CEBPZ: variants seen among roughly 807,000 people sequenced by gnomAD.
CEBPZ encodes the protein CCAAT enhancer binding protein zeta, also known as CCAAT/enhancer-binding protein zeta.
In CEBPZ, 78 loss-of-function variants were observed where a neutral mutation model predicts 104.5. That is an observed-to-expected ratio of 0.75 (90% CI 0.62 to 0.90). CEBPZ has a LOEUF of 0.90. Among genes scored for constraint, CEBPZ ranks in the 40% least tolerant of loss-of-function variants. The pLI is 0.00. For missense variants in CEBPZ, 1,439 were observed against 1,233.5 expected, an observed-to-expected ratio of 1.17 and a Z score of -2.50; for synonymous variants, 470 against 427.0, an observed-to-expected ratio of 1.10 and a Z score of -1.24.
chr2:37,231,390 C>T (rs1303549036), intron 1 of CEBPZ, 22 bp downstream of exon 1: 1 of 1,613,334 alleles, frequency 6.2e-7, no homozygotes, highest in Non-Finnish European at 8.5e-7. Flanking sequence ...TGATCCCGTT[C>T]CCCGGAGCCC....
intron 13 of CEBPZ, among the ~76,000 whole-genome samples, chr2:37,206,647 C>T (rs1443284797): frequency 6.6e-6 from 1 of 152,212 alleles, no homozygotes; most frequent in African/African-American, 2.4e-5. Context: ...TGAGCCACTA[C>T]ACTCAGCCTA....
At chr2:37,203,647 G>C (rs938388806) in intron 13 of CEBPZ, 4 of 152,152 alleles carry the variant, frequency 2.6e-5, no homozygotes, top group Non-Finnish European at 4.4e-5. Context: ...TAAATTTACA[G>C]ACTTGTTCAA....
At chr2:37,203,849 A>G (rs2148334029) in intron 13 of CEBPZ, 1 of 152,292 alleles carries the variant, frequency 6.6e-6, no homozygotes, top group Middle Eastern at 3.4e-3. Context: ...AACGTTTTTG[A>G]GGCTCATCCA....
intron 2 of CEBPZ, among the ~76,000 whole-genome samples, chr2:37,227,075 C>G (rs10182759): frequency 0.32 from 48,506 of 152,042 alleles, 8,248 homozygotes; most frequent in Middle Eastern, 0.37. Context: ...GAGCATGGCA[C>G]CATACTGCAG....
In CEBPZ at chr2:37,229,034, T is replaced by C. The variant is rs759761179; in HGVS notation, c.159A>G (p.Gln53=). The change falls in exon 2 of 16, where the codon CAA becomes CAG. Residue 53 remains glutamine, a splice_region_variant and synonymous_variant. Coordinates refer to ENST00000234170, the MANE Select transcript of CEBPZ (RefSeq NM_005760.3). ...CCAAAGTAGCCAGCATAAGGTAATC[T>C]TGCTGCATTAAAAACATAAGTTAAA... ...EEVLRLGGTK[Q]DYLMLATLDE... is the part of the protein sequence containing the mutation. 5.9e-6 allele frequency: 9 copies of C among 1,518,242 alleles called. No individual in the cohort carries two copies. Among genetic ancestry groups the C allele is most frequent in the Non-Finnish European group, 7.0e-6 (8 of 1,136,792 alleles). The allele number at this position is 1,518,242 out of a possible 1,614,324, so 94.0% of individuals were successfully genotyped here. A position where few individuals can be genotyped will look rare whatever the true frequency, so the allele number is the denominator to read the frequency against.
At position 37,231,483 on chromosome 2, in the gene CEBPZ, C is replaced by T. The variant is rs750165472; in HGVS notation, c.85G>A (p.Asp29Asn). The change falls in exon 1 of 16, where the codon GAT becomes AAT. Residue 29 changes from aspartate to asparagine, a missense_variant. By Grantham distance (23) the Asp-to-Asn change is conservative. Coordinates refer to ENST00000234170, the MANE Select transcript of CEBPZ (RefSeq NM_005760.3). ...TCGGCTTCACTAGTATTATCCTCAT[C>T]CTCCTCGTCCGGATCTTCTACTGCC... ...EEAVEDPDEE[D>N]EDNTSEAENG... 1.1e-5 allele frequency: 18 copies of T among 1,614,260 alleles called. No homozygotes were observed. Among genetic ancestry groups the T allele is most frequent in the Admixed American group, 1.0e-4 (6 of 60,034 alleles).
chr2:37,227,538 T>A lies in CEBPZ; in HGVS notation c.1649+6A>T. On this transcript the variant is annotated splice_donor_region_variant and intron_variant, in intron 2 of 15. Transcript: ENST00000234170. The stretch of plus-strand genomic sequence containing the variant: ...CATGTCTCATATTGGAAGGGTATGT[T>A]CTTACCTGTATAATGCTGTGTAATA... The A allele has an allele frequency of 6.3e-7, 1 of 1,596,098 alleles. No homozygotes were observed. The highest frequency in any genetic ancestry group is 8.5e-7 in the Non-Finnish European group (1 of 1,171,706).
chr2:37,213,767 A>AT, intron 10 of CEBPZ, 97 bp downstream of exon 10: 2 of 788,998 alleles, frequency 2.5e-6, no homozygotes, highest in East Asian at 3.0e-5. Flanking sequence ...TAGCTAAGTG[A>AT]TTTTTTAAAA....
intron 2 of CEBPZ, among the ~76,000 whole-genome samples, chr2:37,227,242 C>A (rs1314467587): frequency 2.0e-5 from 3 of 152,144 alleles, no homozygotes; most frequent in Non-Finnish European, 2.9e-5. Context: ...AGATTTAAAA[C>A]AAATATAGCA....
intron 13 of CEBPZ, chr2:37,204,344 C>G (rs1278778303): frequency 2.1e-5 from 3 of 139,608 alleles, no homozygotes; most frequent in Non-Finnish European, 4.6e-5. Context: ...GGGGCGTGAT[C>G]TCGGCTCACT....
chr2:37,225,046 A>G (rs1412030555), intron 2 of CEBPZ, among the ~76,000 whole-genome samples: 5 of 147,200 alleles, frequency 3.4e-5, no homozygotes, highest in African/African-American at 1.3e-4. Flanking sequence ...TTCAAAACAA[A>G]CAAACAAACA....
At chr2:37,205,537 T>C (rs1423200767) in intron 13 of CEBPZ, among the ~76,000 whole-genome samples, 11 of 150,480 alleles carry the variant, frequency 7.3e-5, no homozygotes, top group Admixed American at 6.6e-4. Context: ...CTTCACTGAC[T>C]CTCTTTTCGG....
intron 5 of CEBPZ, among the ~76,000 whole-genome samples, chr2:37,219,963 T>G (rs1664728678): frequency 6.6e-6 from 1 of 152,170 alleles, no homozygotes. Flanking sequence ...TAATGTTTAT[T>G]AATGCTTATA....
chr2:37,208,140 C>T (rs748226029), intron 13 of CEBPZ, among the ~76,000 whole-genome samples: 3 of 151,934 alleles, frequency 2.0e-5, no homozygotes, highest in Non-Finnish European at 2.9e-5. Context: ...ACAAGTAGCA[C>T]GACTGAAACA....
At chr2:37,219,145 A>G (rs11689186) in intron 5 of CEBPZ, among the ~76,000 whole-genome samples, 22,732 of 152,194 alleles carry the variant, frequency 0.15, 1,818 homozygotes, top group South Asian at 0.26. Flanking sequence ...CATTTTCAAG[A>G]AAATATCTCC....
At chr2:37,217,072 T>C (rs1572502959) in intron 5 of CEBPZ, 35 bp from the exon 6 acceptor site, 1 of 1,538,126 alleles carries the variant, frequency 6.5e-7, no homozygotes, top group Non-Finnish European at 9.0e-7. Context: ...TCAATATTTC[T>C]AAGGTCGACT....
At chr2:37,207,133 A>G (rs7557416) in intron 13 of CEBPZ, among the ~76,000 whole-genome samples, 3,336 of 152,300 alleles carry the variant, frequency 0.022, 71 homozygotes, top group African/African-American at 0.061. Context: ...ACCTACCACC[A>G]GAGCTTCCAA....
At chr2:37,216,876 A>T in intron 6 of CEBPZ, 108 bp downstream of exon 6, 1 of 907,028 alleles carries the variant, frequency 1.1e-6, no homozygotes, top group Non-Finnish European at 1.7e-6. Flanking sequence ...GAGCAGTAAA[A>T]TGTACAAGAT....
chr2:37,202,227 G>T, intron 15 of CEBPZ: 2 of 176,132 alleles, frequency 1.1e-5, no homozygotes, highest in Admixed American at 6.3e-5. Flanking sequence ...AGTAATTTTT[G>T]TAGTCTGCAA....
Sources: allele counts gnomAD v4.1 joint callset (sites outside exome capture counted in the v4.1 genomes callset), GRCh38; gene constraint gnomAD v4.1.1; transcripts MANE v1.5; gene names NCBI Gene and HGNC (gene_info 2026-07-23, HGNC 2026-07-21).